The following DNAH3 variants were observed in gnomAD, a reference collection of about 807,000 sequenced individuals.
The protein encoded by DNAH3 is dynein axonemal heavy chain 3.
A neutral mutation model predicts 432.5 loss-of-function variants in DNAH3; 332 were observed. The ratio of observed to expected loss-of-function variants is 0.77; its 90% CI spans 0.70 to 0.84. The LOEUF is 0.84. Among genes scored for constraint, DNAH3 ranks in the 40% least tolerant of loss-of-function variants. DNAH3 has a pLI of 0.00. For synonymous variants in DNAH3, 1,956 were observed against 1,900.2 expected (o/e 1.03, Z -0.76); for missense variants, 4,861 against 5,114.0 (o/e 0.95, Z 1.51).
intron 15 of DNAH3, among the ~76,000 whole-genome samples, chr16:21,104,993 C>T (rs995631616): frequency 6.6e-6 from 1 of 152,196 alleles, no homozygotes; most frequent in African/African-American, 2.4e-5. Context: ...TATTTCACTT[C>T]ATCTGCATGT....
chr16:20,934,902 C>T (rs962904670), intron 61 of DNAH3, among the ~76,000 whole-genome samples: 1 of 152,078 alleles, frequency 6.6e-6, no homozygotes, highest in Non-Finnish European at 1.5e-5. Context: ...AGGATCTTTC[C>T]GTATAATTTA....
rs570899741 is a variant in DNAH3, at chr16:21,152,742, C to G, written c.117+6583G>C. On this transcript the variant is annotated intron_variant, in intron 1 of 61. Coordinates refer to ENST00000261383, the Ensembl canonical transcript of DNAH3. ...GGCAATGAGGGGCTTAGCACCCCGG[C>G]CAGCGGCTGCGGAGGGTGTACTGGG... 1.7e-3 allele frequency among the ~76,000 whole-genome samples: 265 copies of G among 152,370 alleles called. 2 individuals carry two copies. Among genetic ancestry groups the G allele is most frequent in the African/African-American group, 6.1e-3 (255 of 41,590 alleles).
chr16:20,980,329 ATAT>A (rs908708093), intron 49 of DNAH3, among the ~76,000 whole-genome samples: 1 of 140,668 alleles, frequency 7.1e-6, no homozygotes, highest in Non-Finnish European at 1.6e-5. Context: ...AATATATACT[ATAT>A]TATATTTTAT....
At chr16:21,077,523 C>T (rs1424453174) in intron 20 of DNAH3, among the ~76,000 whole-genome samples, 1 of 152,146 alleles carries the variant, frequency 6.6e-6, no homozygotes, top group Admixed American at 6.5e-5. Flanking sequence ...GGCTCTTGCT[C>T]TACTTCCCAT....
At chr16:20,970,863 CTTTTTTTTT>C (rs869203073) in intron 51 of DNAH3, among the ~76,000 whole-genome samples, 1 of 124,090 alleles carries the variant, frequency 8.1e-6, no homozygotes. Context: ...TTTCTCTATT[CTTTTTTTTT>C]TTTTTTTTTT....
At chr16:21,054,294 T>C (rs2090057668) in intron 28 of DNAH3, 126 bp downstream of exon 28, 4 of 699,866 alleles carry the variant, frequency 5.7e-6, no homozygotes, top group East Asian at 2.8e-5. Context: ...TTACTCTCAG[T>C]TGGAGAAAGC....
At chr16:21,125,139 C>T (rs2152815768) in intron 9 of DNAH3, 36 bp downstream of exon 10, 2 of 1,525,172 alleles carry the variant, frequency 1.3e-6, no homozygotes, top group South Asian at 2.6e-5. Context: ...CCAGGTTATT[C>T]CCCTCAAAAG....
intron 19 of DNAH3, among the ~76,000 whole-genome samples, chr16:21,082,289 C>CAA (rs2091215746): frequency 6.6e-6 from 1 of 152,150 alleles, no homozygotes. Context: ...CTCCCAGGCT[C>CAA]AAGTGGTCCT....
At chr16:21,061,716 G>A (rs1303677675) in intron 25 of DNAH3, among the ~76,000 whole-genome samples, 1 of 152,170 alleles carries the variant, frequency 6.6e-6, no homozygotes, top group Non-Finnish European at 1.5e-5. Flanking sequence ...AAAAAATACT[G>A]ATGACTGACT....
At chr16:21,012,335 CA>C in intron 41 of DNAH3, among the ~76,000 whole-genome samples, 1 of 152,062 alleles carries the variant, frequency 6.6e-6, no homozygotes, top group Middle Eastern at 3.4e-3. Context: ...CTGTTAAAAA[CA>C]AAACAGAAAC....
At chr16:21,003,802 T>TA (rs941565194) in intron 41 of DNAH3, among the ~76,000 whole-genome samples, 20 of 151,164 alleles carry the variant, frequency 1.3e-4, no homozygotes, top group African/African-American at 3.4e-4. Flanking sequence ...TATATACAAT[T>TA]AAAAAAAAGA....
chr16:21,035,275 T>G (rs2089110504), intron 35 of DNAH3, among the ~76,000 whole-genome samples: 1 of 152,074 alleles, frequency 6.6e-6, no homozygotes, highest in South Asian at 2.1e-4. Context: ...TGCAGTGAGC[T>G]GAGATCACGT....
At chr16:20,995,868 C>T (rs544573612) in intron 44 of DNAH3, among the ~76,000 whole-genome samples, 1 of 152,352 alleles carries the variant, frequency 6.6e-6, no homozygotes, top group South Asian at 2.1e-4. Context: ...TCAGCTTCTC[C>T]TCTCACATGG....
intron 17 of DNAH3, among the ~76,000 whole-genome samples, 168 bp downstream of exon 17, chr16:21,098,448 A>AG (rs2091748987): frequency 6.6e-6 from 1 of 151,246 alleles, no homozygotes; most frequent in Admixed American, 6.6e-5. Flanking sequence ...CAAAAAAAAA[A>AG]AAAAAAAAAA....
chr16:21,137,542 C>T lies in DNAH3; in HGVS notation c.697-1029G>A, dbSNP rs2092660996. Among the ~76,000 whole-genome samples the T allele has an allele frequency of 5.3e-5, 8 of 152,040 alleles. No homozygotes were observed. In the South Asian group the frequency reaches 1.7e-3, roughly 32 times the overall value. On this transcript the variant is annotated intron_variant, in intron 5 of 61. Coordinates refer to ENST00000261383, the Ensembl canonical transcript of DNAH3. ...GGTTCAAGCAATTCTCCTGCCTCAGCCTCCCAAGTAGCTGGGATTACAGGT... is the reference window on the plus strand; with the variant it reads ...GGTTCAAGCAATTCTCCTGCCTCAGTCTCCCAAGTAGCTGGGATTACAGGT...
chr16:20,964,612 C>T lies in DNAH3; in HGVS notation c.9272G>A (p.Trp3091Ter). The change falls in exon 53 of 62, where the codon TGG (tryptophan) becomes TAG (stop). Residue 3091 changes from tryptophan (W) to a stop codon, truncating the protein, a stop_gained. Coordinates refer to ENST00000261383, the Ensembl canonical transcript of DNAH3. LOFTEE classifies it high-confidence loss of function. Reference sequence around the variant, plus strand: ...ATTCGCCTTCTCCATGTTCTTAATCCATTTATTGGCCTGCCCGTGAGGGTC... The same window carrying T: ...ATTCGCCTTCTCCATGTTCTTAATCTATTTATTGGCCTGCCCGTGAGGGTC... 2.5e-6 allele frequency: 4 copies of T among 1,614,136 alleles called. No individual in the cohort carries two copies. The highest frequency in any genetic ancestry group is 3.4e-6 in the Non-Finnish European group (4 of 1,180,040).
chr16:21,105,375 A>G (rs570944435), intron 15 of DNAH3, among the ~76,000 whole-genome samples: 35 of 152,320 alleles, frequency 2.3e-4, no homozygotes, highest in Non-Finnish European at 4.1e-4. Flanking sequence ...TTGACCCAAC[A>G]AACTTTCAAG....
chr16:20,963,697 A>G (rs1220658107), exon 53 of DNAH3: 1 of 1,614,074 alleles, frequency 6.2e-7, no homozygotes, highest in East Asian at 2.2e-5. Context: ...TCCAGTGAGA[A>G]GGAAGTACCA....
Position 21,050,036 on chromosome 16 carries a change from G to C in DNAH3, c.4239-18C>G. On this transcript the variant is annotated intron_variant, in intron 29 of 61. Coordinates refer to ENST00000261383, the Ensembl canonical transcript of DNAH3. ...TCAGTGTCCTATGGGGAAGAAAATA[G>C]AACTTCAGTGCTTGAGGTCTAAGAC... 2 of 1,559,728 alleles carry C rather than the reference G, an allele frequency of 1.3e-6. No homozygotes were observed. The highest frequency in any genetic ancestry group is 1.4e-5 in the African/African-American group (1 of 73,834).
Sources: allele counts gnomAD v4.1 joint callset (sites outside exome capture counted in the v4.1 genomes callset), GRCh38; gene constraint gnomAD v4.1.1; transcripts MANE v1.5; gene names NCBI Gene and HGNC (gene_info 2026-07-23, HGNC 2026-07-21).